Variants in CCSER1 observed in about 807,000 individuals in gnomAD.
CCSER1 encodes the protein coiled-coil serine rich protein 1.
A neutral mutation model predicts 82.0 loss-of-function variants in CCSER1; 41 were observed. The observed-to-expected ratio is 0.50, with a 90% CI of 0.39 to 0.65. The LOEUF is 0.65. CCSER1 is among the 30% of genes least tolerant of loss of function. The probability of loss-of-function intolerance (pLI) is 0.00; values close to 1 mark genes in which losing one functional copy is unlikely to be tolerated. For missense variants in CCSER1, 1,119 were observed against 1,064.2 expected (o/e 1.05, Z -0.72); for synonymous variants, 414 against 383.9 (o/e 1.08, Z -0.92).
At chr4:91,175,088 T>C (rs1581709073) in intron 10 of CCSER1, among the ~76,000 whole-genome samples, 4 of 152,158 alleles carry the variant, frequency 2.6e-5, no homozygotes, top group Admixed American at 6.5e-5. Flanking sequence ...TTTTCTGTCC[T>C]TGTGATAGTT....
At chr4:91,520,950 A>G (rs535068098) in intron 10 of CCSER1, among the ~76,000 whole-genome samples, 30 of 152,250 alleles carry the variant, frequency 2.0e-4, no homozygotes, top group African/African-American at 7.2e-4. Context: ...GGTTTGTTAC[A>G]TAGGTATACA....
chr4:90,776,796 G>A (rs1212722906), intron 7 of CCSER1, among the ~76,000 whole-genome samples: 1 of 152,130 alleles, frequency 6.6e-6, no homozygotes, highest in Admixed American at 6.5e-5. Context: ...TTTGAGAAAG[G>A]TCAAACAGCT....
rs1764908718 is a variant in CCSER1 at position 91,604,872 on chromosome 4, T to A, written c.*5815T>A. The A allele has an allele frequency of 1.3e-5, 2 of 151,954 alleles. No homozygotes were observed. Among genetic ancestry groups the A allele is most frequent in the Admixed American group, 6.6e-5 (1 of 15,248 alleles). 9.4% of individuals were successfully genotyped at this position (151,954 alleles called of 1,614,324 possible). Reference sequence around the variant, plus strand: ...GTCAATTATATATACCAAAATAATGTCTGAATAAGACGTAATCCTGTCATG... The same window carrying A: ...GTCAATTATATATACCAAAATAATGACTGAATAAGACGTAATCCTGTCATG... On this transcript the variant is annotated 3_prime_UTR_variant, in exon 11 of 11. Coordinates refer to ENST00000509176, the MANE Select transcript of CCSER1 (RefSeq NM_001145065.2).
chr4:90,217,897 G>A (rs993546861), intron 1 of CCSER1, among the ~76,000 whole-genome samples: 15 of 152,094 alleles, frequency 9.9e-5, no homozygotes, highest in Non-Finnish European at 7.4e-5. Flanking sequence ...CCAGGCTCAA[G>A]AGATCCTGCC....
At chr4:91,327,535 A>G (rs1392023505) in intron 10 of CCSER1, among the ~76,000 whole-genome samples, 1 of 152,226 alleles carries the variant, frequency 6.6e-6, no homozygotes, top group Non-Finnish European at 1.5e-5. Flanking sequence ...AGGGGCTGCC[A>G]TGAAGGTCTC....
intron 1 of CCSER1, among the ~76,000 whole-genome samples, chr4:90,130,435 G>A (rs1366237193): frequency 1.3e-5 from 2 of 152,144 alleles, no homozygotes; most frequent in African/African-American, 4.8e-5. Flanking sequence ...GATGTTAAAG[G>A]ATAAGCAGGA....
At chr4:90,638,671 G>A (rs772695087) in intron 6 of CCSER1, among the ~76,000 whole-genome samples, 10 of 152,164 alleles carry the variant, frequency 6.6e-5, no homozygotes, top group Non-Finnish European at 1.3e-4. Context: ...TTATGCTGCT[G>A]TACAACTTGG....
At chr4:90,492,153 T>G (rs900352522) in intron 5 of CCSER1, among the ~76,000 whole-genome samples, 5 of 152,110 alleles carry the variant, frequency 3.3e-5, no homozygotes, top group African/African-American at 1.2e-4. Flanking sequence ...GTCCTGGACT[T>G]TTTTTGGTTG....
intron 7 of CCSER1, among the ~76,000 whole-genome samples, chr4:90,786,242 C>T (rs1253062851): frequency 1.3e-5 from 2 of 152,122 alleles, no homozygotes; most frequent in African/African-American, 2.4e-5. Context: ...GAGAAAAGGG[C>T]AATATTAGAA....
intron 10 of CCSER1, among the ~76,000 whole-genome samples, chr4:91,155,749 A>G (rs903144132): frequency 6.6e-6 from 1 of 151,940 alleles, no homozygotes. Context: ...AAATTGTAAG[A>G]TAGAAAAGAT....
At chr4:90,669,277 A>G (rs1732363639) in intron 6 of CCSER1, among the ~76,000 whole-genome samples, 1 of 152,088 alleles carries the variant, frequency 6.6e-6, no homozygotes, top group Non-Finnish European at 1.5e-5. Context: ...CTCTTAAAAT[A>G]AAAACTTATT....
intron 10 of CCSER1, among the ~76,000 whole-genome samples, chr4:91,172,821 CTG>C (rs1732903538): frequency 3.1e-5 from 3 of 96,532 alleles, no homozygotes; most frequent in East Asian, 2.9e-4. Flanking sequence ...AATAAATAAA[CTG>C]TGTTAATGTA....
At chr4:90,864,407 C>A (rs1434927971) in intron 8 of CCSER1, among the ~76,000 whole-genome samples, 1 of 151,928 alleles carries the variant, frequency 6.6e-6, no homozygotes, top group Non-Finnish European at 1.5e-5. Flanking sequence ...GCTCTGCTTT[C>A]CTGAATGGAT....
At chr4:90,223,515 A>G (rs1274697419) in intron 1 of CCSER1, among the ~76,000 whole-genome samples, 2 of 152,192 alleles carry the variant, frequency 1.3e-5, no homozygotes, top group East Asian at 3.9e-4. Context: ...TTTAACATGG[A>G]TGATTCATGT....
Position 91,141,492 on chromosome 4 carries a change from T to G in CCSER1, c.2217+55498T>G, listed in dbSNP as rs138996595. ...TTTATGATGGTGTAGTGTCTCATGG[T>G]GTATATGTACCACATTTTCTTTATC... On this transcript the variant is annotated intron_variant, in intron 10 of 10. Transcript: ENST00000509176. Among the ~76,000 whole-genome samples, 1,510 of 152,300 alleles carry G rather than the reference T, an allele frequency of 9.9e-3. 11 individuals carry two copies. The highest frequency in any genetic ancestry group is 0.025 in the African/African-American group (1,020 of 41,568).
chr4:90,181,862 C>G (rs779813234), intron 1 of CCSER1, among the ~76,000 whole-genome samples: 3 of 152,072 alleles, frequency 2.0e-5, no homozygotes, highest in Non-Finnish European at 4.4e-5. Flanking sequence ...TTTGCCCAGT[C>G]CTCTGAGAGT....
intron 7 of CCSER1, among the ~76,000 whole-genome samples, chr4:90,738,449 C>A (rs1173562993): frequency 6.6e-6 from 1 of 152,004 alleles, no homozygotes; most frequent in African/African-American, 2.4e-5. Flanking sequence ...TTGTTGTTTT[C>A]TCTTACTTTC....
chr4:90,465,062 C>A (rs1417050667), intron 4 of CCSER1, among the ~76,000 whole-genome samples: 1 of 152,104 alleles, frequency 6.6e-6, no homozygotes, highest in Non-Finnish European at 1.5e-5. Flanking sequence ...CTCCCTGGAT[C>A]AAGTGATTCT....
chr4:91,103,309 T>A (rs1435718346), intron 10 of CCSER1, among the ~76,000 whole-genome samples: 1 of 152,178 alleles, frequency 6.6e-6, no homozygotes, highest in Non-Finnish European at 1.5e-5. Flanking sequence ...TGATGAGTTT[T>A]TACCATTGTC....
Sources: allele counts gnomAD v4.1 joint callset (sites outside exome capture counted in the v4.1 genomes callset), GRCh38; gene constraint gnomAD v4.1.1; transcripts MANE v1.5; gene names NCBI Gene and HGNC (gene_info 2026-07-23, HGNC 2026-07-21).